Variants in MUSK observed in about 807,000 individuals in gnomAD.
MUSK encodes muscle, skeletal receptor tyrosine-protein kinase.
A neutral mutation model predicts 88.7 loss-of-function variants in MUSK; 55 were observed. The ratio of observed to expected loss-of-function variants is 0.62; its 90% CI spans 0.50 to 0.78. The LOEUF (loss-of-function observed/expected upper bound fraction) is 0.78, where lower values mean the gene tolerates loss of function less well. Ranked by LOEUF, MUSK falls within the 30% of genes least tolerant of loss-of-function variation. The pLI is 0.00. For missense variants in MUSK, 1,015 were observed against 1,074.3 expected, an observed-to-expected ratio of 0.94 and a Z score of 0.77; for synonymous variants, 387 against 391.9, an observed-to-expected ratio of 0.99 and a Z score of 0.15.
chr9:110,780,847 A>C (rs2077741624), intron 11 of MUSK, among the ~76,000 whole-genome samples: 1 of 152,004 alleles, frequency 6.6e-6, no homozygotes, highest in Non-Finnish European at 1.5e-5. Context: ...TCTCTTTCCA[A>C]CTCCATGATA....
intron 5 of MUSK, among the ~76,000 whole-genome samples, chr9:110,732,404 T>C (rs1459451739): frequency 3.3e-5 from 5 of 152,066 alleles, no homozygotes; most frequent in Non-Finnish European, 7.4e-5. Flanking sequence ...TCAGTGTTAG[T>C]TGTCAAGAGT....
At chr9:110,769,182 A>G (rs1330114096) in intron 9 of MUSK, among the ~76,000 whole-genome samples, 3 of 152,190 alleles carry the variant, frequency 2.0e-5, no homozygotes, top group Non-Finnish European at 4.4e-5. Context: ...CATGACAACA[A>G]CCAACACAGC....
intron 1 of MUSK, among the ~76,000 whole-genome samples, chr9:110,672,647 G>C (rs1587872777): frequency 6.6e-6 from 1 of 152,048 alleles, no homozygotes; most frequent in Middle Eastern, 3.4e-3. Flanking sequence ...CAACCCCAAA[G>C]TGTTTTGTTG....
intron 9 of MUSK, chr9:110,775,417 T>G (rs1306663025): frequency 4.1e-6 from 1 of 246,666 alleles, no homozygotes; most frequent in Non-Finnish European, 7.9e-6. Flanking sequence ...GATCCTGACT[T>G]TCAGTAGGTG....
intron 3 of MUSK, among the ~76,000 whole-genome samples, chr9:110,691,988 C>T (rs1218660646): frequency 6.6e-6 from 1 of 152,006 alleles, no homozygotes; most frequent in Non-Finnish European, 1.5e-5. Context: ...TTTCTTATTT[C>T]TTTACAAGTA....
chr9:110,717,149 T>G lies in MUSK; in HGVS notation c.629-17102T>G, dbSNP rs182648518. ...TCTATTATTCTTTAGACGATTTCTA[T>G]CATGTATTATGCTGTTTCTTTTCTC... On this transcript the variant is annotated intron_variant, in intron 5 of 14. Transcript: ENST00000374448. Among the ~76,000 whole-genome samples, 7 of 149,900 alleles carry G rather than the reference T, an allele frequency of 4.7e-5. 2 individuals are homozygous for G. The highest frequency in any genetic ancestry group is 1.8e-4 in the African/African-American group (7 of 39,652).
At chr9:110,756,845 G>GTGTGTGTGTGTC (rs2077331926) in intron 7 of MUSK, among the ~76,000 whole-genome samples, 2 of 150,024 alleles carry the variant, frequency 1.3e-5, no homozygotes, top group South Asian at 4.3e-4. Flanking sequence ...CAAGTTGTAT[G>GTGTGTGTGTGTC]TGTGTGTGTG....
rs2078069672 is a variant in MUSK, at chr9:110,800,189, A to G, written c.1928-117A>G. ...AAATATTAAAAAACAAACATACGAC[A>G]ACAACAACAAAAAACAGGGCTTCAT... On this transcript the variant is annotated intron_variant, in intron 14 of 14. Coordinates refer to ENST00000374448, the MANE Select transcript of MUSK (RefSeq NM_005592.4). 18 of 929,346 alleles carry G rather than the reference A, an allele frequency of 1.9e-5. 1 individual carries two copies. The South Asian group carries it at 2.4e-4, about 12-fold the overall frequency. 57.6% of individuals were successfully genotyped at this position (929,346 alleles called of 1,614,324 possible).
At chr9:110,700,656 A>G (rs2076490157) in intron 5 of MUSK, among the ~76,000 whole-genome samples, 1 of 152,226 alleles carries the variant, frequency 6.6e-6, no homozygotes, top group Non-Finnish European at 1.5e-5. Flanking sequence ...AAATGTTAAA[A>G]TATTAATGAC....
At chr9:110,689,709 A>ATATATTTTATATATATATAT (rs1259002278) in intron 3 of MUSK, among the ~76,000 whole-genome samples, 1 of 55,306 alleles carries the variant, frequency 1.8e-5, no homozygotes, top group African/African-American at 8.4e-5. Flanking sequence ...ATAAATATAT[A>ATATATTTTATATATATATAT]ACTATATATG....
chr9:110,738,455 T>C (rs2077055542), intron 6 of MUSK, among the ~76,000 whole-genome samples: 1 of 152,186 alleles, frequency 6.6e-6, no homozygotes, highest in Admixed American at 6.5e-5. Context: ...CTCTGTGATT[T>C]TTCTGGTTAC....
chr9:110,776,241 T>C (rs942862272), intron 10 of MUSK, among the ~76,000 whole-genome samples: 8 of 152,214 alleles, frequency 5.3e-5, no homozygotes, highest in Non-Finnish European at 1.2e-4. Context: ...TTATGAGAGC[T>C]TGTAACATTT....
rs142830788 is a variant in MUSK at position 110,669,028 on chromosome 9, T to A, written c.79+45T>A. ...TCTTCTTGTTGTCTTGTCATGGTTGTAAAGTGTGTGTATATGAGATATGAC... is the reference window on the plus strand; with the variant it reads ...TCTTCTTGTTGTCTTGTCATGGTTGAAAAGTGTGTGTATATGAGATATGAC... On this transcript the variant is annotated intron_variant, in intron 1 of 14. Coordinates refer to ENST00000374448, the MANE Select transcript of MUSK (RefSeq NM_005592.4). 26 of 1,523,902 alleles carry A rather than the reference T, an allele frequency of 1.7e-5. No homozygotes were observed. The East Asian group carries it at 4.3e-4, about 25-fold the overall frequency. 94.4% of individuals were successfully genotyped at this position (1,523,902 alleles called of 1,614,324 possible).
intron 7 of MUSK, among the ~76,000 whole-genome samples, chr9:110,761,603 T>G (rs1426612584): frequency 8.5e-6 from 1 of 118,292 alleles, no homozygotes; most frequent in Non-Finnish European, 1.6e-5. Flanking sequence ...TGAGACGGAG[T>G]CTCGCTGTCG....
chr9:110,684,826 A>G (rs1340169136), intron 2 of MUSK, among the ~76,000 whole-genome samples: 2 of 152,112 alleles, frequency 1.3e-5, no homozygotes, highest in African/African-American at 4.8e-5. Flanking sequence ...TTGATTTTGT[A>G]TCCTGCAACT....
rs576584523 is a variant in MUSK, at chr9:110,682,943, C to T, written c.206+143C>T. The stretch of plus-strand genomic sequence containing the variant: ...AGTACCTCATGGAGAATGGGGTATC[C>T]ATCCCCTCAAGCATTAATCATTTGA... On this transcript the variant is annotated intron_variant, in intron 2 of 14. Transcript: ENST00000374448. 7.7e-6 allele frequency: 4 copies of T among 519,744 alleles called. No individual in the cohort carries two copies. In the African/African-American group the frequency reaches 7.8e-5, roughly 10 times the overall value. 32.2% of individuals were successfully genotyped at this position (519,744 alleles called of 1,614,324 possible).
intron 7 of MUSK, among the ~76,000 whole-genome samples, chr9:110,753,210 C>A (rs889980656): frequency 2.0e-5 from 3 of 152,106 alleles, no homozygotes; most frequent in Non-Finnish European, 4.4e-5. Flanking sequence ...GTGGGCAGAT[C>A]ACCTGAAGTC....
chr9:110,767,804 T>G lies in MUSK; in HGVS notation c.921-16T>G. The G allele has an allele frequency of 6.2e-7, 1 of 1,613,348 alleles. No homozygotes were observed. Among genetic ancestry groups the G allele is most frequent in the Non-Finnish European group, 8.5e-7 (1 of 1,179,426 alleles). ...AATAGCATGTGATTAGAAATGTTGT[T>G]CATTTCTTCTTTCAGTAAACCACAG... is the stretch of plus-strand genomic sequence containing the variant. On this transcript the variant is annotated splice_polypyrimidine_tract_variant and intron_variant, in intron 8 of 14. Coordinates refer to ENST00000374448, the MANE Select transcript of MUSK (RefSeq NM_005592.4).
intron 7 of MUSK, among the ~76,000 whole-genome samples, chr9:110,759,379 A>G (rs1459987312): frequency 1.3e-5 from 2 of 152,240 alleles, no homozygotes; most frequent in Non-Finnish European, 2.9e-5. Context: ...AACCTGAAAG[A>G]TAACTTAGGA....
Sources: allele counts gnomAD v4.1 joint callset (sites outside exome capture counted in the v4.1 genomes callset), GRCh38; gene constraint gnomAD v4.1.1; transcripts MANE v1.5; gene names NCBI Gene and HGNC (gene_info 2026-07-23, HGNC 2026-07-21).